The following PPEF1 variants were observed in gnomAD, a reference collection of about 807,000 sequenced individuals.
PPEF1 encodes serine/threonine-protein phosphatase with EF-hands 1.
A neutral mutation model predicts 53.3 loss-of-function variants in PPEF1; 12 were observed. The ratio of observed to expected loss-of-function variants is 0.23; its 90% CI spans 0.14 to 0.36. PPEF1 has a LOEUF of 0.36. Among genes scored for constraint, PPEF1 ranks in the 10% least tolerant of loss-of-function variants. PPEF1 has a pLI of 1.00. For missense variants in PPEF1, 334 were observed against 490.4 expected (o/e 0.68, Z 3.01); for synonymous variants, 165 against 176.7 (o/e 0.93, Z 0.52).
intron 10 of PPEF1, among the ~76,000 whole-genome samples, chrX:18,790,608 G>A (rs1479111003): frequency 1.8e-5 from 2 of 111,566 alleles, no homozygotes; most frequent in Non-Finnish European, 3.8e-5. Flanking sequence ...TTAGGTGTCT[G>A]ATCCATTTTG....
chrX:18,703,881 T>C (rs1466381811), upstream of PPEF1, among the ~76,000 whole-genome samples: 1 of 109,729 alleles, frequency 9.1e-6, no homozygotes, highest in Non-Finnish European at 1.9e-5. Context: ...TGCTCAATTC[T>C]TTTTTTCCCC....
At chrX:18,712,453 G>A (rs1181590361) in intron 1 of PPEF1, among the ~76,000 whole-genome samples, 2 of 111,519 alleles carry the variant, frequency 1.8e-5, no homozygotes, top group South Asian at 3.7e-4. Context: ...TTTTTGGATT[G>A]TTTATTGCAA....
chrX:18,787,756 C>A (rs865929311), intron 9 of PPEF1, among the ~76,000 whole-genome samples: 211 of 52,090 alleles, frequency 4.1e-3, no homozygotes, highest in South Asian at 5.6e-3. Context: ...CCCATCTTTA[C>A]AAAAAAAAAA....
At chrX:18,758,454 T>G (rs2045593605) in intron 5 of PPEF1, among the ~76,000 whole-genome samples, 1 of 112,138 alleles carries the variant, frequency 8.9e-6, no homozygotes, top group Non-Finnish European at 1.9e-5. Context: ...CCTGCATTTC[T>G]CTTATTCTGG....
chrX:18,806,957 A>T (rs984070950), intron 12 of PPEF1, among the ~76,000 whole-genome samples: 1 of 109,271 alleles, frequency 9.2e-6, no homozygotes, highest in African/African-American at 3.4e-5. Context: ...TTTGTAGCTT[A>T]TACTCCTTTT....
chrX:18,821,758 CGAGAGAGAGAGAGAGAGAGA>C (rs754652406), intron 13 of PPEF1, among the ~76,000 whole-genome samples: 6 of 28,666 alleles, frequency 2.1e-4, no homozygotes, highest in East Asian at 6.1e-4. Flanking sequence ...GAAACCATGG[CGAGAGAGAGAGAGAGAGAGA>C]GAGAGAGAGA....
At chrX:18,678,090 C>T (rs945984902), upstream of PPEF1, among the ~76,000 whole-genome samples, 18 of 97,764 alleles carry the variant, frequency 1.8e-4, no homozygotes, top group African/African-American at 6.2e-4. Flanking sequence ...ATGATTGCAC[C>T]GCTGCACTCC....
chrX:18,714,277 GTT>G (rs201680584), intron 1 of PPEF1, among the ~76,000 whole-genome samples: 1 of 88,537 alleles, frequency 1.1e-5, no homozygotes, highest in Non-Finnish European at 2.1e-5. Context: ...TCGTTTTTTT[GTT>G]TTTTTTTTTT....
chrX:18,827,032 G>C (rs973654533), intron 15 of PPEF1, among the ~76,000 whole-genome samples: 1 of 111,427 alleles, frequency 9.0e-6, no homozygotes, highest in Non-Finnish European at 1.9e-5. Flanking sequence ...CCACAACCCC[G>C]TCCCCATTTC....
chrX:18,756,520 G>A (rs2045553874), intron 4 of PPEF1, among the ~76,000 whole-genome samples: 2 of 111,876 alleles, frequency 1.8e-5, no homozygotes, highest in Admixed American at 9.5e-5. Flanking sequence ...TTTAAAGGTA[G>A]TATTTTCCTC....
At chrX:18,805,300 C>G (rs951871891) in intron 11 of PPEF1, among the ~76,000 whole-genome samples, 2 of 111,343 alleles carry the variant, frequency 1.8e-5, no homozygotes, top group African/African-American at 6.5e-5. Flanking sequence ...GCACCTTTTT[C>G]TATAGTGAAC....
At chrX:18,701,885 C>T (rs1295425486) in intron 6 of PPEF1, among the ~76,000 whole-genome samples, 1 of 112,555 alleles carries the variant, frequency 8.9e-6, no homozygotes, top group Non-Finnish European at 1.9e-5. Context: ...ACGCTGTTTC[C>T]TGATTACAAT....
At position 18,771,320 on chromosome X, in the gene PPEF1, C is replaced by T. The variant is rs140300932; in HGVS notation, c.559-7690C>T. Among the ~76,000 whole-genome samples the T allele has an allele frequency of 9.1e-3, 1,011 of 111,401 alleles. 13 individuals are homozygous for T. The highest frequency in any genetic ancestry group is 0.031 in the African/African-American group (964 of 30,727). On this transcript the variant is annotated intron_variant, in intron 6 of 15. Transcript: ENST00000470157. The stretch of plus-strand genomic sequence containing the variant: ...TAAGATGAATGCCATCTTTCGTGAA[C>T]ATCTTTAATAATGAAGGCATTTAAG...
upstream of PPEF1, among the ~76,000 whole-genome samples, chrX:18,680,767 TC>T (rs1194289794): frequency 1.8e-5 from 1 of 54,791 alleles, no homozygotes; most frequent in Non-Finnish European, 3.3e-5. Flanking sequence ...TCCCTCCCCC[TC>T]CCCCCACCCC....
At chrX:18,691,994 TCTTTAATGTCTCTATTCC>T (rs1292343192) in intron 4 of PPEF1, among the ~76,000 whole-genome samples, 1 of 112,042 alleles carries the variant, frequency 8.9e-6, no homozygotes, top group Non-Finnish European at 1.9e-5. Flanking sequence ...CTTTTCATTC[TCTTTAATGTCTCTATTCC>T]CCAGTGTTCT....
intron 7 of PPEF1, among the ~76,000 whole-genome samples, chrX:18,780,718 A>C (rs1394758893): frequency 9.0e-6 from 1 of 110,563 alleles, no homozygotes; most frequent in African/African-American, 3.3e-5. Flanking sequence ...AGTTTAGGCA[A>C]TGATGATTTA....
At chrX:18,748,391 C>T (rs983153036) in intron 3 of PPEF1, among the ~76,000 whole-genome samples, 1 of 112,476 alleles carries the variant, frequency 8.9e-6, no homozygotes, top group African/African-American at 3.2e-5. Context: ...ATCTTGACCA[C>T]TCTGAATATT....
rs1336679167 is a variant in PPEF1 at position 18,788,169 on chromosome X, T to C, written c.913-952T>C. Among the ~76,000 whole-genome samples, 9 of 108,606 alleles carry C rather than the reference T, an allele frequency of 8.3e-5. No homozygotes were observed. The Admixed American group carries it at 8.9e-4, about 11-fold the overall frequency. 94.3% of individuals were successfully genotyped at this position (108,606 alleles called of 115,157 possible). On this transcript the variant is annotated intron_variant, in intron 9 of 15. Transcript: ENST00000470157. ...GTCTCTTCTAAAAAATAGAAAAAATTAGCCGGGCGTGGTGGCGGGCGCCTG... is the reference window on the plus strand; with the variant it reads ...GTCTCTTCTAAAAAATAGAAAAAATCAGCCGGGCGTGGTGGCGGGCGCCTG...
At chrX:18,700,094 C>T (rs1442758396) in intron 5 of PPEF1, 1 of 112,166 alleles carries the variant, frequency 8.9e-6, no homozygotes, top group East Asian at 2.8e-4. Context: ...GAGCTGTGCT[C>T]ACGGCCAGTG....
Sources: gnomAD v4.1 joint callset for allele counts (sites outside exome capture counted in the v4.1 genomes callset) on GRCh38, gnomAD v4.1.1 for gene constraint, MANE v1.5 for transcripts, NCBI Gene and HGNC (gene_info 2026-07-23, HGNC 2026-07-21) for gene names.